AATF: variants seen among roughly 807,000 people sequenced by gnomAD.
AATF encodes the protein apoptosis antagonizing transcription factor.
In AATF, 48 loss-of-function variants were observed where a neutral mutation model predicts 63.7. The ratio of observed to expected loss-of-function variants is 0.75; its 90% CI spans 0.60 to 0.96. AATF has a LOEUF of 0.96. Ranked by LOEUF, AATF falls within the 40% of genes least tolerant of loss-of-function variation. AATF has a pLI of 0.00. For missense variants in AATF, 639 were observed against 685.7 expected (o/e 0.93, Z 0.76); for synonymous variants, 258 against 247.7 (o/e 1.04, Z -0.39).
intron 11 of AATF, chr17:37,034,921 C>T (rs2071578870): frequency 6.6e-6 from 1 of 151,712 alleles, no homozygotes; most frequent in African/African-American, 2.4e-5. Flanking sequence ...GTCAGGAGAT[C>T]AAGACCATCC....
chr17:36,987,154 T>G, intron 5 of AATF, among the ~76,000 whole-genome samples: 1 of 30,522 alleles, frequency 3.3e-5, no homozygotes, highest in Non-Finnish European at 6.4e-5. Context: ...TGCCTGGCTA[T>G]TTTTTTTTTT....
intron 4 of AATF, among the ~76,000 whole-genome samples, chr17:36,980,622 T>G (rs1023166772): frequency 1.3e-5 from 2 of 151,522 alleles, no homozygotes; most frequent in African/African-American, 2.4e-5. Context: ...TAGAGAGTGG[T>G]TTTTTTTTAA....
chr17:36,992,261 C>T (rs74484715), intron 8 of AATF, among the ~76,000 whole-genome samples: 18,362 of 151,906 alleles, frequency 0.12, 1,347 homozygotes, highest in Non-Finnish European at 0.16. Flanking sequence ...AAATTATTGC[C>T]ATAAGTAAGT....
At chr17:36,988,313 CA>C (rs529141294) in intron 5 of AATF, among the ~76,000 whole-genome samples, 1 of 147,698 alleles carries the variant, frequency 6.8e-6, no homozygotes, top group Non-Finnish European at 1.5e-5. Context: ...AAGACTGTCT[CA>C]AAAAAAAAAG....
At chr17:37,055,071 A>G (rs1365595551) in intron 11 of AATF, 1 of 152,258 alleles carries the variant, frequency 6.6e-6, no homozygotes, top group Non-Finnish European at 1.5e-5. Flanking sequence ...GGCTAGTCAC[A>G]TGGATGTGTG....
intron 11 of AATF, among the ~76,000 whole-genome samples, chr17:37,048,148 C>G (rs1180664826): frequency 6.6e-6 from 1 of 151,836 alleles, no homozygotes; most frequent in Non-Finnish European, 1.5e-5. Flanking sequence ...AGGAGAGAAG[C>G]CTGTGATCCT....
chr17:36,972,599 T>A (rs2142226825), intron 4 of AATF, among the ~76,000 whole-genome samples: 1 of 152,264 alleles, frequency 6.6e-6, no homozygotes, highest in East Asian at 1.9e-4. Flanking sequence ...CCTATATACA[T>A]GTAAGTGTGT....
intron 4 of AATF, among the ~76,000 whole-genome samples, chr17:36,972,671 A>ATTT (rs34793151): frequency 7.0e-6 from 1 of 142,950 alleles, no homozygotes. Flanking sequence ...TGGAGTAAAC[A>ATTT]TTTTTTTTTT....
intron 10 of AATF, among the ~76,000 whole-genome samples, chr17:37,029,920 C>T (rs976932486): frequency 3.9e-5 from 6 of 152,036 alleles, no homozygotes; most frequent in African/African-American, 1.4e-4. Flanking sequence ...CCAGGCTGGT[C>T]TTGAACTCCT....
At chr17:37,019,157 C>A in intron 9 of AATF, 85 bp downstream of exon 9, 3 of 1,078,266 alleles carry the variant, frequency 2.8e-6, no homozygotes, top group Non-Finnish European at 4.3e-6. Flanking sequence ...ACCTGCAAAG[C>A]AATGATTGGT....
At chr17:36,972,031 C>T (rs1242564008) in intron 4 of AATF, among the ~76,000 whole-genome samples, 1 of 152,110 alleles carries the variant, frequency 6.6e-6, no homozygotes, top group African/African-American at 2.4e-5. Flanking sequence ...AACCCTTCAG[C>T]CTGGCTTGAT....
In AATF at chr17:37,020,985, T is replaced by C. The variant is rs757118796; in HGVS notation, c.1518T>C (p.Asp506=). The change falls in exon 10 of 12, where the codon GAT becomes GAC. Residue 506 remains aspartate, a synonymous_variant. Coordinates refer to ENST00000619387, the MANE Select transcript of AATF (RefSeq NM_012138.4). ...KLRSKIHKKV[D]RKASKGRKLR... ...GAAGCAAAATCCACAAAAAAGTAGA[T>C]AGGAAAGCCAGCAAAGGCAGGAAAC... 5.6e-5 allele frequency: 90 copies of C among 1,611,316 alleles called. No individual in the cohort carries two copies. Among genetic ancestry groups the C allele is most frequent in the Non-Finnish European group, 7.5e-5 (88 of 1,178,718 alleles).
At chr17:36,991,784 A>G (rs1233864622) in intron 8 of AATF, among the ~76,000 whole-genome samples, 1 of 151,912 alleles carries the variant, frequency 6.6e-6, no homozygotes, top group East Asian at 1.9e-4. Flanking sequence ...ACGGGGTTTC[A>G]CCGTGTTAGC....
intron 4 of AATF, among the ~76,000 whole-genome samples, chr17:36,981,843 T>C (rs1020199719): frequency 1.3e-5 from 2 of 152,060 alleles, no homozygotes. Flanking sequence ...AGCCTAAATT[T>C]TTCATTGTGG....
chr17:37,023,021 G>T (rs1486886098), intron 10 of AATF, among the ~76,000 whole-genome samples: 1 of 152,002 alleles, frequency 6.6e-6, no homozygotes, highest in African/African-American at 2.4e-5. Flanking sequence ...TTATTTTTGG[G>T]ATCAAATTTT....
At chr17:37,020,622 A>G (rs921521911) in intron 9 of AATF, among the ~76,000 whole-genome samples, 9 of 152,182 alleles carry the variant, frequency 5.9e-5, no homozygotes, top group African/African-American at 2.2e-4. Flanking sequence ...TTAAAAGAAA[A>G]CCCAAGTAGC....
In AATF at chr17:36,953,758, T is replaced by C. The variant is rs1204203274; in HGVS notation, c.695-12T>C. The C allele has an allele frequency of 1.2e-6, 2 of 1,606,216 alleles. No homozygotes were observed. Among genetic ancestry groups the C allele is most frequent in the African/African-American group, 2.7e-5 (2 of 74,236 alleles). On this transcript the variant is annotated splice_polypyrimidine_tract_variant and intron_variant, in intron 3 of 11. Coordinates refer to ENST00000619387, the MANE Select transcript of AATF (RefSeq NM_012138.4). The stretch of plus-strand genomic sequence containing the variant: ...ATTATTGAGGAATGGGATTCTCTTT[T>C]CTTCTTTTCAGCACTGTGGGACCAG...
At chr17:37,049,367 C>T (rs889060775) in intron 11 of AATF, among the ~76,000 whole-genome samples, 1 of 152,122 alleles carries the variant, frequency 6.6e-6, no homozygotes, top group African/African-American at 2.4e-5. Context: ...CTTTGGGAGG[C>T]CGAGGCGGGC....
chr17:37,027,090 G>A (rs1478459815), intron 10 of AATF, among the ~76,000 whole-genome samples: 1 of 152,082 alleles, frequency 6.6e-6, no homozygotes, highest in Non-Finnish European at 1.5e-5. Context: ...AAATGGTACA[G>A]CCTGGTCAGA....
Sources: gnomAD v4.1 joint callset for allele counts (sites outside exome capture counted in the v4.1 genomes callset) on GRCh38, gnomAD v4.1.1 for gene constraint, MANE v1.5 for transcripts, NCBI Gene and HGNC (gene_info 2026-07-23, HGNC 2026-07-21) for gene names.